NFASC: variants seen among roughly 807,000 people sequenced by gnomAD.
NFASC encodes neurofascin homolog.
A neutral mutation model predicts 147.5 loss-of-function variants in NFASC; 43 were observed. The ratio of observed to expected loss-of-function variants is 0.29; its 90% CI spans 0.23 to 0.38. The LOEUF (loss-of-function observed/expected upper bound fraction) is 0.38. Among genes scored for constraint, NFASC ranks in the 10% least tolerant of loss-of-function variants. The pLI is 1.00. For synonymous variants in NFASC, 622 were observed against 665.5 expected (o/e 0.93, Z 1.01); for missense variants, 1,320 against 1,689.0 (o/e 0.78, Z 3.83).
At chr1:205,007,867 T>C (rs1352513161) in intron 27 of NFASC, among the ~76,000 whole-genome samples, 1 of 151,880 alleles carries the variant, frequency 6.6e-6, no homozygotes, top group Non-Finnish European at 1.5e-5. Flanking sequence ...ATAAGAAGCT[T>C]TGGAGGGTTA....
chr1:204,946,316 C>T (rs1400512646), intron 3 of NFASC: 1 of 514,086 alleles, frequency 1.9e-6, no homozygotes, highest in Admixed American at 2.0e-5. Context: ...TGGCAGCTAA[C>T]CCTCAACATA....
At chr1:205,007,797 G>T (rs550324642) in intron 27 of NFASC, among the ~76,000 whole-genome samples, 7 of 152,290 alleles carry the variant, frequency 4.6e-5, no homozygotes, top group African/African-American at 1.7e-4. Context: ...GATGGCCAGG[G>T]CCTGCTCTGA....
intron 2 of NFASC, 30 bp from the exon 3 acceptor site, chr1:204,944,196 A>G (rs1157917512): frequency 6.5e-7 from 1 of 1,538,870 alleles, no homozygotes; most frequent in African/African-American, 1.4e-5. Flanking sequence ...TTCATGAAAA[A>G]CTCACTTGCT....
chr1:204,893,993 A>G (rs737017), intron 1 of NFASC, among the ~76,000 whole-genome samples: 39,395 of 152,088 alleles, frequency 0.26, 8,718 homozygotes, highest in East Asian at 0.72. Context: ...GTGCTTTCAG[A>G]TTTGGGGCAG....
chr1:204,935,618 A>G (rs997780844), intron 2 of NFASC, among the ~76,000 whole-genome samples: 1 of 152,150 alleles, frequency 6.6e-6, no homozygotes, highest in Non-Finnish European at 1.5e-5. Flanking sequence ...CTGTACTGTC[A>G]TCTAGGGGCT....
intron 1 of NFASC, among the ~76,000 whole-genome samples, chr1:204,916,933 C>G (rs934487325): frequency 6.6e-6 from 1 of 152,074 alleles, no homozygotes; most frequent in African/African-American, 2.4e-5. Context: ...ATATCTATAT[C>G]AGGCTGGGCA....
Position 204,997,469 on chromosome 1 carries a change from G to A in NFASC, c.3019+63G>A, listed in dbSNP as rs560039202. On this transcript the variant is annotated intron_variant, in intron 25 of 29. Transcript: ENST00000339876. Reference sequence around the variant, plus strand: ...CCCGCCTCCCCAGCGGCCTCCAGACGAACCCACAGGCTCCCCCAGCGAGGA... The same window carrying A: ...CCCGCCTCCCCAGCGGCCTCCAGACAAACCCACAGGCTCCCCCAGCGAGGA... 27 of 1,532,640 alleles carry A rather than the reference G, an allele frequency of 1.8e-5. No individual in the cohort carries two copies. In the East Asian group the frequency reaches 2.4e-4, roughly 14 times the overall value. The allele number at this position is 1,532,640 out of a possible 1,614,324, so 94.9% of individuals were successfully genotyped here. A position where few individuals can be genotyped will look rare whatever the true frequency, so the allele number is the denominator to read the frequency against.
intron 21 of NFASC, among the ~76,000 whole-genome samples, chr1:204,985,332 A>C (rs745680925): frequency 2.0e-5 from 3 of 152,246 alleles, no homozygotes; most frequent in Non-Finnish European, 4.4e-5. Flanking sequence ...TGACTTGGAC[A>C]TGTGACTGTC....
chr1:204,877,024 A>G (rs571527068), intron 1 of NFASC, among the ~76,000 whole-genome samples: 1 of 99,734 alleles, frequency 1.0e-5, no homozygotes, highest in Non-Finnish European at 1.7e-5. Context: ...ATATATATAT[A>G]TATAATATAT....
intron 2 of NFASC, among the ~76,000 whole-genome samples, chr1:204,926,397 T>C (rs2091525246): frequency 5.8e-5 from 1 of 17,108 alleles, no homozygotes; most frequent in Admixed American, 5.7e-4. Flanking sequence ...TATATATATA[T>C]ATATATATAT....
At chr1:204,906,722 G>C (rs1005274245) in intron 1 of NFASC, among the ~76,000 whole-genome samples, 15 of 148,062 alleles carry the variant, frequency 1.0e-4, no homozygotes, top group African/African-American at 3.3e-4. Context: ...TCGCTCTGTT[G>C]CCCAGGCTGG....
At chr1:204,944,565 T>C (rs1241365255) in intron 3 of NFASC, among the ~76,000 whole-genome samples, 159 bp downstream of exon 3, 1 of 152,186 alleles carries the variant, frequency 6.6e-6, no homozygotes, top group Non-Finnish European at 1.5e-5. Flanking sequence ...CTCCAAAGAA[T>C]TGACACAGGC....
chr1:204,902,558 A>G (rs1423046123), intron 1 of NFASC, among the ~76,000 whole-genome samples: 2 of 152,188 alleles, frequency 1.3e-5, no homozygotes, highest in African/African-American at 4.8e-5. Flanking sequence ...CTGAAATATC[A>G]GTAGATGAAA....
At chr1:204,972,731 G>A (rs1413399650) in intron 11 of NFASC, among the ~76,000 whole-genome samples, 1 of 152,190 alleles carries the variant, frequency 6.6e-6, no homozygotes, top group African/African-American at 2.4e-5. Context: ...AAGGTGGTAG[G>A]TTCTGTCTAT....
intron 8 of NFASC, among the ~76,000 whole-genome samples, chr1:204,963,359 G>T (rs538568628): frequency 7.2e-5 from 11 of 152,332 alleles, no homozygotes; most frequent in African/African-American, 2.4e-4. Flanking sequence ...AATGGGCCTT[G>T]TTCTAAATCG....
At chr1:205,009,872 G>C in intron 28 of NFASC, 184 bp downstream of exon 28, 1 of 667,982 alleles carries the variant, frequency 1.5e-6, no homozygotes, top group East Asian at 2.8e-5. Context: ...AGTTAATTAA[G>C]TTCGCCTGAG....
intron 11 of NFASC, 121 bp downstream of exon 11, chr1:204,970,868 T>C (rs2095222514): frequency 7.9e-7 from 1 of 1,258,666 alleles, no homozygotes. Flanking sequence ...AGCCCACTGG[T>C]GGCTGTTTCT....
chr1:205,006,315 G>A (rs138749811), intron 27 of NFASC, among the ~76,000 whole-genome samples: 15 of 152,290 alleles, frequency 9.8e-5, no homozygotes, highest in South Asian at 4.1e-4. Flanking sequence ...GAGATCCCCC[G>A]TTCTCAAGAC....
At chr1:204,864,217 T>TG (rs2076936962) in intron 1 of NFASC, among the ~76,000 whole-genome samples, 1 of 152,246 alleles carries the variant, frequency 6.6e-6, no homozygotes, top group Non-Finnish European at 1.5e-5. Flanking sequence ...TATTGCTGAA[T>TG]AATATTCCAT....
Sources: gnomAD v4.1 joint callset for allele counts (sites outside exome capture counted in the v4.1 genomes callset) on GRCh38, gnomAD v4.1.1 for gene constraint, MANE v1.5 for transcripts, NCBI Gene and HGNC (gene_info 2026-07-23, HGNC 2026-07-21) for gene names.